Variants in ABCD2 observed in about 807,000 individuals in gnomAD.
The protein encoded by ABCD2 is ATP binding cassette subfamily D member 2.
Under a neutral mutation model 70.9 loss-of-function variants are expected in ABCD2, and 36 were observed. That is an observed-to-expected ratio of 0.51 (90% CI 0.39 to 0.67). The LOEUF (loss-of-function observed/expected upper bound fraction) is 0.67, where lower values mean the gene tolerates loss of function less well. Ranked by LOEUF, ABCD2 falls within the 30% of genes least tolerant of loss-of-function variation. The probability of loss-of-function intolerance (pLI) is 0.00; values close to 1 mark genes in which losing one functional copy is unlikely to be tolerated. For missense variants in ABCD2, 729 were observed against 890.2 expected (o/e 0.82, Z 2.30); for synonymous variants, 304 against 306.9 (o/e 0.99, Z 0.10).
chr12:39,573,799 G>A lies in ABCD2; in HGVS notation c.1920C>T (p.Ser640=), dbSNP rs1941480066. ...GAAATATCTTTCCTTCGACATCAATGCTGACAGCACTGGTACATTCATCCA... is the reference window on the plus strand; with the variant it reads ...GAAATATCTTTCCTTCGACATCAATACTGACAGCACTGGTACATTCATCCA... ...ALLDECTSAV[S]IDVEGKIFQA... Residue 640 remains serine (S), a synonymous_variant, in exon 9 of 10, where the codon AGC becomes AGT. Transcript: ENST00000308666. 6.2e-7 allele frequency: 1 copy of A among 1,613,086 alleles called. No homozygotes were observed. The highest frequency in any genetic ancestry group is 1.7e-5 in the Admixed American group (1 of 59,978).
At chr12:39,578,557 C>T (rs919501931) in intron 8 of ABCD2, among the ~76,000 whole-genome samples, 1 of 150,980 alleles carries the variant, frequency 6.6e-6, no homozygotes, top group African/African-American at 2.4e-5. Flanking sequence ...TGCCAGAGAT[C>T]CAAGGGAGTT....
At chr12:39,607,252 G>GA (rs1053405267) in intron 3 of ABCD2, among the ~76,000 whole-genome samples, 1 of 152,166 alleles carries the variant, frequency 6.6e-6, no homozygotes, top group African/African-American at 2.4e-5. Flanking sequence ...CAGAGACACA[G>GA]ACGCTGTAGC....
At chr12:39,596,901 C>T (rs1185282876) in intron 6 of ABCD2, among the ~76,000 whole-genome samples, 4 of 152,098 alleles carry the variant, frequency 2.6e-5, no homozygotes, top group African/African-American at 9.7e-5. Context: ...CAACACACAT[C>T]CCCCTATATA....
In ABCD2 at chr12:39,618,675, A is replaced by G; in HGVS notation, c.939+2T>C. The G allele has an allele frequency of 6.2e-7, 1 of 1,609,238 alleles. No individual in the cohort carries two copies. The highest frequency in any genetic ancestry group is 8.5e-7 in the Non-Finnish European group (1 of 1,177,700). ...CACCCATCACCTTAATTTCTATCTT[A>G]CCTTATGTCCTCTGTAAAAGGCAAT... On this transcript the variant is annotated splice_donor_variant, in intron 1 of 9. Transcript: ENST00000308666. LOFTEE classifies it high-confidence loss of function.
At chr12:39,614,268 C>T (rs1359363057) in intron 2 of ABCD2, among the ~76,000 whole-genome samples, 2 of 152,162 alleles carry the variant, frequency 1.3e-5, no homozygotes, top group Non-Finnish European at 2.9e-5. Context: ...ACAATTGCTT[C>T]TACCTAGGTT....
At chr12:39,602,562 G>A (rs1941914570) in intron 5 of ABCD2, among the ~76,000 whole-genome samples, 1 of 152,046 alleles carries the variant, frequency 6.6e-6, no homozygotes, top group Non-Finnish European at 1.5e-5. Context: ...TTATATTTTA[G>A]GGACCTGAGA....
chr12:39,611,331 G>T (rs994273226), intron 2 of ABCD2, among the ~76,000 whole-genome samples: 18 of 151,946 alleles, frequency 1.2e-4, no homozygotes, highest in South Asian at 2.1e-4. Context: ...GGGGGAGAGG[G>T]TATTTAAGAC....
At chr12:39,601,279 T>C (rs901618852) in intron 5 of ABCD2, among the ~76,000 whole-genome samples, 3 of 151,772 alleles carry the variant, frequency 2.0e-5, no homozygotes, top group Non-Finnish European at 4.4e-5. Flanking sequence ...ATAGAGAAAA[T>C]ATGTTTAACA....
chr12:39,615,825 A>T (rs1444666889), intron 2 of ABCD2, among the ~76,000 whole-genome samples: 2 of 152,106 alleles, frequency 1.3e-5, no homozygotes, highest in Non-Finnish European at 2.9e-5. Context: ...TTCATCCTTA[A>T]TTCTGTACAA....
chr12:39,548,498 G>A (rs926516744), downstream of ABCD2, among the ~76,000 whole-genome samples: 3 of 151,842 alleles, frequency 2.0e-5, no homozygotes, highest in African/African-American at 4.8e-5. Context: ...TTGCTTCATC[G>A]GTCTTTGTCA....
intron 5 of ABCD2, among the ~76,000 whole-genome samples, chr12:39,602,471 T>A (rs1384130687): frequency 6.6e-6 from 1 of 152,104 alleles, no homozygotes; most frequent in African/African-American, 2.4e-5. Context: ...GGTTTTTTAA[T>A]CCTGAAGGCT....
intron 5 of ABCD2, 150 bp downstream of exon 5, chr12:39,603,762 C>T: frequency 2.1e-6 from 1 of 475,984 alleles, no homozygotes; most frequent in Non-Finnish European, 3.7e-6. Flanking sequence ...TGAGGAATAA[C>T]TGCTTCTGTA....
chr12:39,566,775 T>G (rs530450068), intron 9 of ABCD2, among the ~76,000 whole-genome samples: 65 of 152,362 alleles, frequency 4.3e-4, no homozygotes, highest in African/African-American at 1.5e-3. Flanking sequence ...TTTAGTGCTA[T>G]AAATTTCCCT....
At chr12:39,588,897 T>C (rs1378716797) in intron 6 of ABCD2, among the ~76,000 whole-genome samples, 1 of 152,180 alleles carries the variant, frequency 6.6e-6, no homozygotes, top group Non-Finnish European at 1.5e-5. Context: ...GACAATGGAT[T>C]GGGAAAAACA....
In ABCD2 at chr12:39,616,893, C is replaced by T. The variant is rs188865124; in HGVS notation, c.1120+95G>A. The T allele has an allele frequency of 1.1e-4, 128 of 1,142,840 alleles. No homozygotes were observed. In the African/African-American group the frequency reaches 1.8e-3, roughly 16 times the overall value. The allele number at this position is 1,142,840 out of a possible 1,614,324, so 70.8% of individuals were successfully genotyped here. A position where few individuals can be genotyped will look rare whatever the true frequency, so the allele number is the denominator to read the frequency against. ...GGACCATTGTTAACTAGAATATGAC[C>T]ATGTACACAGTTTAGCTCACATAAA... On this transcript the variant is annotated intron_variant, in intron 2 of 9. Coordinates refer to ENST00000308666, the MANE Select transcript of ABCD2 (RefSeq NM_005164.4).
At chr12:39,545,463 C>A (rs1941017137), downstream of ABCD2, among the ~76,000 whole-genome samples, 1 of 152,034 alleles carries the variant, frequency 6.6e-6, no homozygotes, top group South Asian at 2.1e-4. Context: ...AAATGAGAAA[C>A]CTGAGGCATG....
chr12:39,567,655 T>G (rs1941375725), intron 9 of ABCD2, among the ~76,000 whole-genome samples: 1 of 144,428 alleles, frequency 6.9e-6, no homozygotes, highest in Non-Finnish European at 1.5e-5. Flanking sequence ...TGTGTGAATT[T>G]GATCCTGTCA....
downstream of ABCD2, among the ~76,000 whole-genome samples, chr12:39,545,066 T>C: frequency 6.6e-6 from 1 of 152,188 alleles, no homozygotes; most frequent in South Asian, 2.1e-4. Flanking sequence ...GTACTATAGT[T>C]TTTCTTTTGA....
At position 39,618,776 on chromosome 12, in the gene ABCD2, T is replaced by C; in HGVS notation, c.840A>G (p.Lys280=). Residue 280 remains lysine (K), a synonymous_variant, in exon 1 of 10, where the codon AAA becomes AAG. Transcript: ENST00000308666. ...TTCTATGTGCTTCCTCTGCCACCAG[T>C]TTGCCAAATTTGGGAGAACAGGCTT... is the stretch of plus-strand genomic sequence containing the variant. ...VLKACSPKFG[K]LVAEEAHRKG... is the part of the protein sequence containing the mutation. 1 of 1,614,214 alleles carries C rather than the reference T, an allele frequency of 6.2e-7. No homozygotes were observed. Among genetic ancestry groups the C allele is most frequent in the Non-Finnish European group, 8.5e-7 (1 of 1,180,034 alleles).
Sources: gnomAD v4.1 joint callset for allele counts (sites outside exome capture counted in the v4.1 genomes callset) on GRCh38, gnomAD v4.1.1 for gene constraint, MANE v1.5 for transcripts, NCBI Gene and HGNC (gene_info 2026-07-23, HGNC 2026-07-21) for gene names.